The following OCA2 variants were observed in gnomAD, a reference collection of about 807,000 sequenced individuals.
OCA2 encodes P protein.
Under a neutral mutation model 100.2 loss-of-function variants are expected in OCA2, and 77 were observed. The ratio of observed to expected loss-of-function variants is 0.77; its 90% CI spans 0.64 to 0.93. The LOEUF (loss-of-function observed/expected upper bound fraction) is 0.93, where lower values mean the gene tolerates loss of function less well. Among genes scored for constraint, OCA2 ranks in the 40% least tolerant of loss-of-function variants. The probability of loss-of-function intolerance (pLI) is 0.00; values close to 1 mark genes in which losing one functional copy is unlikely to be tolerated. For missense variants in OCA2, 1,062 were observed against 1,089.1 expected (o/e 0.98, Z 0.35); for synonymous variants, 432 against 439.2 (o/e 0.98, Z 0.21).
Position 27,986,978 on chromosome 15 carries a change from G to A in OCA2, c.1183-335C>T, listed in dbSNP as rs531724093. ...AGACTAGAAAATGGGATCAGAGTGCGAGGTGGGTTGCTCACAGCCACAAAT... is the reference window on the plus strand; with the variant it reads ...AGACTAGAAAATGGGATCAGAGTGCAAGGTGGGTTGCTCACAGCCACAAAT... On this transcript the variant is annotated intron_variant, in intron 11 of 23. Transcript: ENST00000354638. Among the ~76,000 whole-genome samples, 25 of 152,308 alleles carry A rather than the reference G, an allele frequency of 1.6e-4. 1 individual carries two copies. Among genetic ancestry groups the A allele is most frequent in the African/African-American group, 5.5e-4 (23 of 41,570 alleles).
rs192145486 is a variant in OCA2 at position 27,906,873 on chromosome 15, C to T, written c.2079+19254G>A. Reference sequence around the variant, plus strand: ...CTCAGCTTCTGGTGAGGGCCTCAGGCTGCTCCCACTTGTTGGGGAAGGTAA... The same window carrying T: ...CTCAGCTTCTGGTGAGGGCCTCAGGTTGCTCCCACTTGTTGGGGAAGGTAA... On this transcript the variant is annotated intron_variant, in intron 19 of 23. Coordinates refer to ENST00000354638, the MANE Select transcript of OCA2 (RefSeq NM_000275.3). Among the ~76,000 whole-genome samples the T allele has an allele frequency of 2.7e-3, 416 of 152,272 alleles. 2 individuals carry two copies. The highest frequency in any genetic ancestry group is 9.6e-3 in the African/African-American group (401 of 41,556).
At chr15:28,072,673 A>C (rs1205558944) in intron 2 of OCA2, among the ~76,000 whole-genome samples, 1 of 152,156 alleles carries the variant, frequency 6.6e-6, no homozygotes, top group Admixed American at 6.6e-5. Context: ...AAGACATACA[A>C]GTGGTGAACA....
Position 27,990,616 on chromosome 15 carries a change from C to T in OCA2, c.1076G>A (p.Gly359Asp), listed in dbSNP as rs200398581. ...CAGTGCTGCCAGTGCTGCAAGGGAA[C>T]CCAGCATGGCCGCCAGAGTTCTGTG... ...IVHRTLAAMLGSLAALAALAV... is the reference protein window; with the variant it reads ...IVHRTLAAMLDSLAALAALAV... The change falls in exon 10 of 24, where the codon GGT becomes GAT. Residue 359 changes from glycine (G) to aspartate (D), a missense_variant. Coordinates refer to ENST00000354638, the MANE Select transcript of OCA2 (RefSeq NM_000275.3). 9.9e-6 allele frequency: 16 copies of T among 1,614,040 alleles called. No homozygotes were observed. The highest frequency in any genetic ancestry group is 1.3e-5 in the Non-Finnish European group (15 of 1,180,002).
chr15:28,096,905 A>G (rs887537731), intron 1 of OCA2, among the ~76,000 whole-genome samples: 1 of 151,940 alleles, frequency 6.6e-6, no homozygotes, highest in African/African-American at 2.4e-5. Flanking sequence ...GAGCAGCGCC[A>G]GCAAACGCGC....
chr15:27,910,804 A>C (rs990740351), intron 19 of OCA2, among the ~76,000 whole-genome samples: 1 of 151,980 alleles, frequency 6.6e-6, no homozygotes, highest in Non-Finnish European at 1.5e-5. Flanking sequence ...AAAAATACAA[A>C]AATTAGCTGG....
chr15:27,882,209 G>T (rs1006876877), intron 19 of OCA2, among the ~76,000 whole-genome samples: 3 of 152,014 alleles, frequency 2.0e-5, no homozygotes, highest in Admixed American at 6.5e-5. Flanking sequence ...TCCAATTTTT[G>T]GTCGTGTTCC....
the OCA2 span, among the ~76,000 whole-genome samples, chr15:27,722,684 CTT>C: frequency 2.1e-5 from 3 of 141,172 alleles, no homozygotes; most frequent in African/African-American, 8.3e-5. Flanking sequence ...TTCTTTCTTT[CTT>C]TCTCTCTCTT....
intron 23 of OCA2, among the ~76,000 whole-genome samples, chr15:27,828,038 A>G (rs1305277668): frequency 6.6e-6 from 1 of 152,182 alleles, no homozygotes; most frequent in Non-Finnish European, 1.5e-5. Flanking sequence ...TAGGCATTTC[A>G]TATCGTTCTT....
At chr15:27,881,295 C>A (rs2037003484) in intron 19 of OCA2, among the ~76,000 whole-genome samples, 1 of 151,754 alleles carries the variant, frequency 6.6e-6, no homozygotes, top group South Asian at 2.1e-4. Flanking sequence ...CATCAGTTTT[C>A]ATCAGGGATA....
Position 27,871,241 on chromosome 15 carries a change from C to T in OCA2, c.2157G>A (p.Gln719=), listed in dbSNP as rs765029036. ...CCAGGACAATGGCGGCTATGAGGCG[C>T]TGCTCCTCTGGGACCATCTGGAAGG... ...ALLIKMVPEE[Q]RLIAAIVLVV... is the part of the protein sequence containing the mutation. The change falls in exon 21 of 24, where the codon CAG becomes CAA. Residue 719 remains glutamine (Q), a synonymous_variant. Coordinates refer to ENST00000354638, the MANE Select transcript of OCA2 (RefSeq NM_000275.3). 1 of 1,614,106 alleles carries T rather than the reference C, an allele frequency of 6.2e-7. No individual in the cohort carries two copies. The highest frequency in any genetic ancestry group is 1.1e-5 in the South Asian group (1 of 91,078).
At chr15:27,807,879 C>A (rs906832845) in intron 23 of OCA2, among the ~76,000 whole-genome samples, 3 of 152,340 alleles carry the variant, frequency 2.0e-5, no homozygotes, top group Non-Finnish European at 4.4e-5. Context: ...GAGGCACCTG[C>A]TGTCCACAGG....
intron 2 of OCA2, among the ~76,000 whole-genome samples, chr15:28,042,198 G>A (rs7177686): frequency 0.44 from 67,481 of 152,018 alleles, 21,314 homozygotes; most frequent in East Asian, 0.89. Context: ...AATGATACAG[G>A]GAAGGATAGA....
chr15:27,803,158 A>G (rs1303673830), intron 23 of OCA2, among the ~76,000 whole-genome samples: 3 of 151,730 alleles, frequency 2.0e-5, no homozygotes, highest in Non-Finnish European at 4.4e-5. Flanking sequence ...AAGATGCCCA[A>G]CATCACTACT....
the OCA2 span, among the ~76,000 whole-genome samples, chr15:27,728,242 G>A: frequency 7.9e-5 from 12 of 152,214 alleles, 3 homozygotes; most frequent in Admixed American, 6.5e-5. Context: ...AAATACAATG[G>A]TGGGACAGTC....
chr15:27,944,107 T>C (rs1185997356), intron 18 of OCA2, among the ~76,000 whole-genome samples: 1 of 152,238 alleles, frequency 6.6e-6, no homozygotes, highest in Admixed American at 6.5e-5. Flanking sequence ...GCTTTACCAT[T>C]TGGTACCCTT....
At chr15:28,015,200 G>A (rs773932261) in intron 8 of OCA2, among the ~76,000 whole-genome samples, 1 of 152,070 alleles carries the variant, frequency 6.6e-6, no homozygotes, top group Non-Finnish European at 1.5e-5. Context: ...CACAGAAGAC[G>A]CCAGCCATTG....
intron 2 of OCA2, among the ~76,000 whole-genome samples, chr15:28,056,208 C>T (rs2043690329): frequency 6.6e-6 from 1 of 152,180 alleles, no homozygotes; most frequent in Admixed American, 6.5e-5. Flanking sequence ...TGCCTGTGTG[C>T]TTCCCATGTA....
At chr15:28,088,648 C>T (rs556827063) in intron 1 of OCA2, among the ~76,000 whole-genome samples, 72 of 152,204 alleles carry the variant, frequency 4.7e-4, no homozygotes, top group African/African-American at 1.7e-3. Flanking sequence ...CGGTAGGTTC[C>T]GTGATGCCCC....
chr15:27,989,736 C>T, intron 10 of OCA2, 70 bp from the exon 11 acceptor site: 1 of 1,372,296 alleles, frequency 7.3e-7, no homozygotes, highest in Non-Finnish European at 1.0e-6. Context: ...TAATGAAGCG[C>T]TGCCCCCTGC....
Sources: allele counts gnomAD v4.1 joint callset (sites outside exome capture counted in the v4.1 genomes callset), GRCh38; gene constraint gnomAD v4.1.1; transcripts MANE v1.5; gene names NCBI Gene and HGNC (gene_info 2026-07-23, HGNC 2026-07-21).